The following PCDH15 variants were observed in gnomAD, a reference collection of about 807,000 sequenced individuals.
PCDH15 encodes protocadherin-15.
PCDH15 carries 129 observed loss-of-function variants against 178.5 expected under a neutral mutation model. The ratio of observed to expected loss-of-function variants is 0.72; its 90% CI spans 0.63 to 0.84. The LOEUF is 0.84. Among genes scored for constraint, PCDH15 ranks in the 40% least tolerant of loss-of-function variants. PCDH15 has a pLI of 0.00. For missense variants in PCDH15, 2,230 were observed against 2,099.9 expected (o/e 1.06, Z -1.21); for synonymous variants, 800 against 732.0 (o/e 1.09, Z -1.50).
chr10:55,217,170 T>C (rs936252834), intron 1 of PCDH15, among the ~76,000 whole-genome samples: 1 of 151,958 alleles, frequency 6.6e-6, no homozygotes, highest in Non-Finnish European at 1.5e-5. Flanking sequence ...TATGACACTG[T>C]AAATTGCTGT....
chr10:54,632,189 C>T (rs1384192971), intron 2 of PCDH15, among the ~76,000 whole-genome samples: 1 of 152,140 alleles, frequency 6.6e-6, no homozygotes, highest in South Asian at 2.1e-4. Context: ...AAGAGAAAAA[C>T]CAAATACTAC....
chr10:53,993,149 A>G (rs1226141095), intron 21 of PCDH15, among the ~76,000 whole-genome samples: 2 of 152,362 alleles, frequency 1.3e-5, no homozygotes, highest in African/African-American at 4.8e-5. Flanking sequence ...CTGGTTGAGC[A>G]TGTATATACA....
intron 35 of PCDH15, among the ~76,000 whole-genome samples, chr10:53,814,522 AG>A (rs1432845788): frequency 6.6e-6 from 1 of 152,176 alleles, no homozygotes; most frequent in African/African-American, 2.4e-5. Flanking sequence ...AAACTCAGCA[AG>A]ATAGCCCTTG....
At chr10:54,152,988 G>C in intron 14 of PCDH15, 112 bp downstream of exon 14, 2 of 1,261,174 alleles carry the variant, frequency 1.6e-6, no homozygotes, top group Non-Finnish European at 2.3e-6. Flanking sequence ...CTGATTTTCT[G>C]ATCTAATTTA....
chr10:55,097,427 T>C (rs1035153326), intron 2 of PCDH15, among the ~76,000 whole-genome samples: 1 of 152,078 alleles, frequency 6.6e-6, no homozygotes, highest in Admixed American at 6.6e-5. Flanking sequence ...TTCAATAACA[T>C]TGAACCATTA....
chr10:55,163,251 C>T (rs1215995043), intron 2 of PCDH15, among the ~76,000 whole-genome samples: 1 of 152,142 alleles, frequency 6.6e-6, no homozygotes, highest in Admixed American at 6.6e-5. Flanking sequence ...TGTAACTCCC[C>T]TATCTTGATA....
intron 1 of PCDH15, among the ~76,000 whole-genome samples, chr10:55,260,527 T>C (rs913120606): frequency 1.3e-5 from 2 of 152,188 alleles, no homozygotes; most frequent in Non-Finnish European, 2.9e-5. Context: ...CAAAATTTTA[T>C]GTTTCTATTT....
At chr10:55,259,794 C>T (rs1842100631) in intron 1 of PCDH15, among the ~76,000 whole-genome samples, 1 of 150,198 alleles carries the variant, frequency 6.7e-6, no homozygotes, top group South Asian at 2.1e-4. Flanking sequence ...CCCAGCTACT[C>T]AGGAGGCTGA....
chr10:54,264,312 G>A (rs192847398), intron 8 of PCDH15, among the ~76,000 whole-genome samples: 262 of 152,056 alleles, frequency 1.7e-3, no homozygotes, highest in African/African-American at 6.0e-3. Flanking sequence ...ATCAACTCCC[G>A]CAGATGGAAA....
At chr10:54,554,358 T>C (rs1462249943) in intron 2 of PCDH15, among the ~76,000 whole-genome samples, 1 of 152,170 alleles carries the variant, frequency 6.6e-6, no homozygotes, top group East Asian at 1.9e-4. Flanking sequence ...CTGGACAAAG[T>C]ACAGAGGAAT....
chr10:54,782,478 A>G (rs1478088431), intron 1 of PCDH15, among the ~76,000 whole-genome samples: 2 of 152,154 alleles, frequency 1.3e-5, no homozygotes, highest in African/African-American at 4.8e-5. Context: ...AGTAATGTAA[A>G]ACGTAAAAGT....
intron 30 of PCDH15, among the ~76,000 whole-genome samples, chr10:53,830,262 A>AC (rs1413017213): frequency 6.6e-6 from 1 of 151,682 alleles, no homozygotes; most frequent in Non-Finnish European, 1.5e-5. Context: ...AGATCACACC[A>AC]CTGCACTCCA....
At chr10:54,344,893 G>C (rs1588941792) in intron 6 of PCDH15, among the ~76,000 whole-genome samples, 1 of 28,754 alleles carries the variant, frequency 3.5e-5, no homozygotes, top group African/African-American at 1.4e-4. Flanking sequence ...TCCTCTTTTA[G>C]AGAAACAAAG....
At chr10:54,297,625 G>T (rs1008348795) in intron 8 of PCDH15, among the ~76,000 whole-genome samples, 2 of 152,080 alleles carry the variant, frequency 1.3e-5, no homozygotes, top group South Asian at 2.1e-4. Context: ...AATAAGAAAA[G>T]AAATATCCAA....
chr10:55,375,025 C>A (rs1196991995), intron 2 of PCDH15, among the ~76,000 whole-genome samples: 1 of 152,176 alleles, frequency 6.6e-6, no homozygotes, highest in African/African-American at 2.4e-5. Flanking sequence ...TCTTTTCATC[C>A]AGAGTTTGTT....
At chr10:54,578,009 C>T (rs72792581) in intron 2 of PCDH15, among the ~76,000 whole-genome samples, 22,267 of 152,144 alleles carry the variant, frequency 0.15, 1,830 homozygotes, top group Non-Finnish European at 0.19. Context: ...AATTGTATAA[C>T]ATTGATTCAT....
intron 3 of PCDH15, among the ~76,000 whole-genome samples, chr10:54,477,017 A>G (rs1413690160): frequency 6.6e-6 from 1 of 151,874 alleles, no homozygotes; most frequent in African/African-American, 2.4e-5. Context: ...TGTTTAATCC[A>G]TTCTCCTTAG....
rs571155671 is a variant in PCDH15 at position 54,646,710 on chromosome 10, T to G, written c.91+17462A>C. 1.6e-4 allele frequency among the ~76,000 whole-genome samples: 24 copies of G among 152,196 alleles called. No homozygotes were observed. In the South Asian group the frequency reaches 1.7e-3, roughly 10 times the overall value. ...ATGTCTTTCCACTTGTTTTCATTAA[T>G]TTCTTTCAGAAATTATTTTTAATTT... is the stretch of plus-strand genomic sequence containing the variant. On this transcript the variant is annotated intron_variant, in intron 2 of 37. Coordinates refer to ENST00000644397, the MANE Select transcript of PCDH15 (RefSeq NM_001384140.1).
chr10:54,830,368 A>C (rs535188851), intron 3 of PCDH15, among the ~76,000 whole-genome samples: 49 of 152,216 alleles, frequency 3.2e-4, no homozygotes, highest in African/African-American at 1.0e-3. Flanking sequence ...GATTAACAAA[A>C]TGTGGCACAT....
Sources: allele counts gnomAD v4.1 joint callset (sites outside exome capture counted in the v4.1 genomes callset), GRCh38; gene constraint gnomAD v4.1.1; transcripts MANE v1.5; gene names NCBI Gene and HGNC (gene_info 2026-07-23, HGNC 2026-07-21).